NRG1: variants seen among roughly 807,000 people sequenced by gnomAD.
NRG1 encodes the protein pro-neuregulin-1, membrane-bound isoform.
Under a neutral mutation model 63.8 loss-of-function variants are expected in NRG1, and 18 were observed. The ratio of observed to expected loss-of-function variants is 0.28; its 90% CI spans 0.19 to 0.42. The LOEUF is 0.42. NRG1 is among the 10% of genes least tolerant of loss of function. NRG1 has a pLI of 1.00. For missense variants in NRG1, 762 were observed against 814.7 expected, an observed-to-expected ratio of 0.94 and a Z score of 0.79; for synonymous variants, 302 against 301.3, an observed-to-expected ratio of 1.00 and a Z score of -0.02.
chr8:31,655,789 C>T (rs1269884729), intron 1 of NRG1, among the ~76,000 whole-genome samples: 1 of 152,104 alleles, frequency 6.6e-6, no homozygotes, highest in Non-Finnish European at 1.5e-5. Context: ...GTGGGAGCTA[C>T]AGAAGTGAAG....
chr8:32,566,365 C>T (rs1156810348), intron 1 of NRG1, among the ~76,000 whole-genome samples: 1 of 146,066 alleles, frequency 6.8e-6, no homozygotes, highest in African/African-American at 2.5e-5. Flanking sequence ...AAAAAGACAG[C>T]ATGTCTTTAG....
chr8:32,452,135 C>T (rs1587729557), intron 1 of NRG1, among the ~76,000 whole-genome samples: 3 of 152,084 alleles, frequency 2.0e-5, no homozygotes, highest in Non-Finnish European at 1.5e-5. Flanking sequence ...GCCCTAACTT[C>T]CTTCTGATCA....
At chr8:31,776,597 G>A (rs141439738) in intron 1 of NRG1, among the ~76,000 whole-genome samples, 2 of 152,126 alleles carry the variant, frequency 1.3e-5, no homozygotes, top group East Asian at 3.9e-4. Flanking sequence ...GAGCAGGTTT[G>A]TTACATATGT....
chr8:31,894,560 T>C (rs991019257), intron 1 of NRG1, among the ~76,000 whole-genome samples: 7 of 148,514 alleles, frequency 4.7e-5, no homozygotes, highest in Non-Finnish European at 8.9e-5. Context: ...TTTCTTTTTT[T>C]TTTTTTTTGA....
intron 1 of NRG1, among the ~76,000 whole-genome samples, chr8:31,665,979 G>A (rs370588419): frequency 3.3e-5 from 5 of 152,084 alleles, no homozygotes; most frequent in East Asian, 1.9e-4. Flanking sequence ...ACAAAGCCAC[G>A]TTGTTCACGA....
chr8:32,702,971 C>T (rs1589295004), intron 5 of NRG1, among the ~76,000 whole-genome samples: 1 of 152,166 alleles, frequency 6.6e-6, no homozygotes, highest in Non-Finnish European at 1.5e-5. Context: ...TAAAAGTTAG[C>T]AAATGAGGGC....
chr8:32,617,627 A>G (rs893916820), intron 5 of NRG1, among the ~76,000 whole-genome samples: 4 of 152,202 alleles, frequency 2.6e-5, no homozygotes, highest in Non-Finnish European at 5.9e-5. Flanking sequence ...TGAAAATTAA[A>G]CTTATAACTA....
chr8:31,854,516 G>A (rs1267642630), intron 1 of NRG1, among the ~76,000 whole-genome samples: 11 of 151,010 alleles, frequency 7.3e-5, no homozygotes, highest in Non-Finnish European at 1.2e-4. Context: ...TTCTTTATTA[G>A]TCTTGCTAGC....
At chr8:31,649,014 A>C (rs1804584697) in intron 1 of NRG1, among the ~76,000 whole-genome samples, 1 of 148,180 alleles carries the variant, frequency 6.7e-6, no homozygotes, top group Non-Finnish European at 1.5e-5. Context: ...GCTGGAGTGC[A>C]GTGGCACGAT....
chr8:32,649,101 G>C (rs1304213406), intron 5 of NRG1, among the ~76,000 whole-genome samples: 1 of 147,318 alleles, frequency 6.8e-6, no homozygotes, highest in Non-Finnish European at 1.5e-5. Context: ...ATAATCAAAT[G>C]TTTAAATAGC....
At chr8:31,661,574 CTT>C (rs1805996339) in intron 1 of NRG1, among the ~76,000 whole-genome samples, 1 of 152,298 alleles carries the variant, frequency 6.6e-6, no homozygotes, top group Middle Eastern at 3.4e-3. Context: ...ACCTGCAACA[CTT>C]TGTGGGTACA....
intron 1 of NRG1, among the ~76,000 whole-genome samples, chr8:31,764,226 CAGAG>C (rs1398624919): frequency 6.6e-6 from 1 of 152,012 alleles, no homozygotes; most frequent in Non-Finnish European, 1.5e-5. Context: ...AGAAATAATA[CAGAG>C]AGATACTCTG....
In NRG1 at chr8:31,838,372, A is replaced by G. The variant is rs185515751; in HGVS notation, c.37+198941A>G. The stretch of plus-strand genomic sequence containing the variant: ...TTTATAGTGTACTTTAATATATTGA[A>G]GAACTATTCTCTCATTGCTGCATTT... On this transcript the variant is annotated intron_variant, in intron 1 of 10. Coordinates refer to the NRG1 transcript ENST00000519301. Among the ~76,000 whole-genome samples, 34 of 152,250 alleles carry G rather than the reference A, an allele frequency of 2.2e-4. 1 individual carries two copies. The highest frequency in any genetic ancestry group is 2.2e-3 in the Admixed American group (33 of 15,290).
chr8:32,017,681 G>A (rs190080685), intron 1 of NRG1, among the ~76,000 whole-genome samples: 2 of 152,318 alleles, frequency 1.3e-5, no homozygotes, highest in Admixed American at 1.3e-4. Context: ...ACGTGACTCA[G>A]TTTGTTGTAA....
At chr8:31,692,205 A>G (rs1467182636) in intron 1 of NRG1, among the ~76,000 whole-genome samples, 1 of 152,226 alleles carries the variant, frequency 6.6e-6, no homozygotes, top group African/African-American at 2.4e-5. Context: ...TACCCCATGA[A>G]CATATCTAAA....
At chr8:32,316,059 G>C (rs1206548260) in intron 1 of NRG1, among the ~76,000 whole-genome samples, 3 of 150,132 alleles carry the variant, frequency 2.0e-5, no homozygotes, top group African/African-American at 7.6e-5. Context: ...CTGAGGACAG[G>C]GTGAAGAAAA....
intron 1 of NRG1, among the ~76,000 whole-genome samples, chr8:32,384,150 T>C (rs894683703): frequency 1.3e-5 from 2 of 152,004 alleles, no homozygotes; most frequent in African/African-American, 2.4e-5. Flanking sequence ...GCTGGGAAGA[T>C]AGCTTGAGGG....
At chr8:32,637,691 A>G (rs182662408) in intron 5 of NRG1, among the ~76,000 whole-genome samples, 2 of 152,102 alleles carry the variant, frequency 1.3e-5, no homozygotes, top group East Asian at 3.9e-4. Context: ...ATACTTTCCT[A>G]TGTAAGCAAT....
rs565267924 is a variant in NRG1, at chr8:32,181,960, A to G, written c.38-413868A>G. ...AAAATTGTGCTTACAGAAAAAAATT[A>G]TTTGAGTTAGTCTAAATGTATTAAA... On this transcript the variant is annotated intron_variant, in intron 1 of 10. Coordinates refer to the NRG1 transcript ENST00000519301. Among the ~76,000 whole-genome samples, 4 of 152,362 alleles carry G rather than the reference A, an allele frequency of 2.6e-5. No individual in the cohort carries two copies. In the South Asian group the frequency reaches 8.3e-4, roughly 32 times the overall value.
Sources: allele counts gnomAD v4.1 joint callset (sites outside exome capture counted in the v4.1 genomes callset), GRCh38; gene constraint gnomAD v4.1.1; transcripts MANE v1.5; gene names NCBI Gene and HGNC (gene_info 2026-07-23, HGNC 2026-07-21).